Variants in CXCL13 observed in about 807,000 individuals in gnomAD.
CXCL13 encodes the protein C-X-C motif chemokine ligand 13.
In CXCL13, 7 loss-of-function variants were observed where a neutral mutation model predicts 12.2. The ratio of observed to expected loss-of-function variants is 0.57; its 90% CI spans 0.33 to 1.07. The LOEUF is 1.07. CXCL13 is among the 50% of genes least tolerant of loss of function. CXCL13 has a pLI of 0.04. For missense variants in CXCL13, 113 were observed against 127.4 expected (o/e 0.89, Z 0.55); for synonymous variants, 47 against 42.4 (o/e 1.11, Z -0.42).
At chr4:77,589,179 T>A (rs1006403039) in intron 1 of CXCL13, among the ~76,000 whole-genome samples, 1 of 151,210 alleles carries the variant, frequency 6.6e-6, no homozygotes, top group Non-Finnish European at 1.5e-5. Context: ...CCAATCACAG[T>A]CTGAAATTAT....
intron 1 of CXCL13, among the ~76,000 whole-genome samples, chr4:77,521,589 T>A (rs1283526034): frequency 6.6e-6 from 1 of 152,170 alleles, no homozygotes; most frequent in African/African-American, 2.4e-5. Context: ...TTATTGTGTC[T>A]ATTTGTTTCT....
chr4:77,573,365 TG>T (rs1726135639), intron 1 of CXCL13, among the ~76,000 whole-genome samples: 787 of 17,090 alleles, frequency 0.046, 4 homozygotes, highest in Non-Finnish European at 0.052. Flanking sequence ...GGGTCTTTTG[TG>T]TGTGTGTGTG....
At chr4:77,520,862 T>A (rs1445851094) in intron 1 of CXCL13, among the ~76,000 whole-genome samples, 2 of 152,334 alleles carry the variant, frequency 1.3e-5, no homozygotes, top group African/African-American at 4.8e-5. Flanking sequence ...TTGTCATAAA[T>A]AGCTCTTATT....
intron 1 of CXCL13, among the ~76,000 whole-genome samples, chr4:77,547,817 C>T (rs906244507): frequency 6.6e-6 from 1 of 152,164 alleles, no homozygotes; most frequent in African/African-American, 2.4e-5. Flanking sequence ...GATGCAGTTT[C>T]TTCCTAGCAT....
intron 1 of CXCL13, among the ~76,000 whole-genome samples, chr4:77,549,111 C>T (rs910156906): frequency 6.6e-6 from 1 of 152,218 alleles, no homozygotes; most frequent in Non-Finnish European, 1.5e-5. Context: ...GATATCCTTT[C>T]TTCCACTGGA....
chr4:77,552,952 C>T (rs1725569134), intron 1 of CXCL13, among the ~76,000 whole-genome samples: 1 of 152,178 alleles, frequency 6.6e-6, no homozygotes, highest in South Asian at 2.1e-4. Context: ...AGAGAAGGCC[C>T]CGCTGCACCA....
chr4:77,593,144 A>T (rs1180338978), intron 1 of CXCL13, among the ~76,000 whole-genome samples: 2 of 152,114 alleles, frequency 1.3e-5, no homozygotes, highest in East Asian at 3.8e-4. Flanking sequence ...TCCCACACCA[A>T]CAAGGTAAGA....
chr4:77,526,805 C>G (rs1012684528), intron 1 of CXCL13, among the ~76,000 whole-genome samples: 1 of 152,098 alleles, frequency 6.6e-6, no homozygotes, highest in African/African-American at 2.4e-5. Context: ...GGCCAGGGAG[C>G]CTTTCGTGAA....
intron 1 of CXCL13, among the ~76,000 whole-genome samples, chr4:77,550,700 G>C (rs147557130): frequency 6.6e-6 from 1 of 152,144 alleles, no homozygotes; most frequent in Non-Finnish European, 1.5e-5. Context: ...TTTGTCTGAT[G>C]CTGTCAGTAG....
chr4:77,603,704 G>A (rs191210164), upstream of CXCL13, among the ~76,000 whole-genome samples: 415 of 152,300 alleles, frequency 2.7e-3, 2 homozygotes, highest in African/African-American at 9.4e-3. Flanking sequence ...ATGGATGGGG[G>A]TGGTGGATGG....
At chr4:77,590,393 G>A (rs1726576479) in intron 1 of CXCL13, among the ~76,000 whole-genome samples, 1 of 152,176 alleles carries the variant, frequency 6.6e-6, no homozygotes. Context: ...ATTCACAGAG[G>A]CAGTTTACAG....
intron 1 of CXCL13, among the ~76,000 whole-genome samples, chr4:77,560,847 C>G (rs904741724): frequency 3.9e-5 from 6 of 152,150 alleles, no homozygotes; most frequent in African/African-American, 4.8e-5. Context: ...TGCCCTTGGG[C>G]TCTCTTCTGT....
chr4:77,589,734 T>C (rs578229694), intron 1 of CXCL13, among the ~76,000 whole-genome samples: 194 of 152,164 alleles, frequency 1.3e-3, no homozygotes, highest in South Asian at 2.3e-3. Flanking sequence ...ATTTGTTAAG[T>C]GTTTGAGAGA....
intron 1 of CXCL13, among the ~76,000 whole-genome samples, chr4:77,591,961 T>G (rs1306248274): frequency 6.6e-6 from 1 of 152,260 alleles, no homozygotes; most frequent in East Asian, 1.9e-4. Context: ...AAGGGAATAA[T>G]GTCTGTCTAC....
At chr4:77,587,968 C>G (rs944824486) in intron 1 of CXCL13, among the ~76,000 whole-genome samples, 1 of 152,212 alleles carries the variant, frequency 6.6e-6, no homozygotes, top group Non-Finnish European at 1.5e-5. Context: ...TGTCACTACC[C>G]TGTCCTTGCC....
chr4:77,557,992 C>T (rs1448719253), intron 1 of CXCL13, among the ~76,000 whole-genome samples: 1 of 152,200 alleles, frequency 6.6e-6, no homozygotes, highest in African/African-American at 2.4e-5. Flanking sequence ...TGTGTTTGCA[C>T]CATCTCTTTG....
At chr4:77,572,917 A>G (rs1213217304) in intron 1 of CXCL13, among the ~76,000 whole-genome samples, 1 of 151,940 alleles carries the variant, frequency 6.6e-6, no homozygotes, top group East Asian at 1.9e-4. Flanking sequence ...AAAAAGAATG[A>G]GAACATGTCC....
chr4:77,565,506 T>A (rs1156631517), intron 1 of CXCL13, among the ~76,000 whole-genome samples: 1 of 152,152 alleles, frequency 6.6e-6, no homozygotes, highest in Non-Finnish European at 1.5e-5. Flanking sequence ...AAACATACAG[T>A]GTTTTCATCA....
intron 1 of CXCL13, among the ~76,000 whole-genome samples, chr4:77,552,901 G>C (rs1288152923): frequency 6.6e-6 from 1 of 152,196 alleles, no homozygotes; most frequent in Non-Finnish European, 1.5e-5. Flanking sequence ...TCCAGGCCAG[G>C]GGGTACTCTG....
Sources: gnomAD v4.1 joint callset for allele counts (sites outside exome capture counted in the v4.1 genomes callset) on GRCh38, gnomAD v4.1.1 for gene constraint, MANE v1.5 for transcripts, NCBI Gene and HGNC (gene_info 2026-07-23, HGNC 2026-07-21) for gene names.